The following GRM8 variants were observed in gnomAD, a reference collection of about 807,000 sequenced individuals.
GRM8 encodes the protein glutamate metabotropic receptor 8.
Under a neutral mutation model 87.2 loss-of-function variants are expected in GRM8, and 47 were observed. The ratio of observed to expected loss-of-function variants is 0.54; its 90% confidence interval spans 0.43 to 0.69. The LOEUF (loss-of-function observed/expected upper bound fraction) is 0.69. GRM8 is among the 30% of genes least tolerant of loss of function. The pLI, the probability that GRM8 is intolerant of heterozygous loss-of-function variation, is 0.00. For missense variants in GRM8, 1,019 were observed against 1,139.2 expected (o/e 0.89, Z 1.52); for synonymous variants, 396 against 404.5 (o/e 0.98, Z 0.25).
intron 7 of GRM8, among the ~76,000 whole-genome samples, chr7:126,762,737 T>C (rs1208941878): frequency 6.6e-6 from 1 of 151,938 alleles, no homozygotes; most frequent in Non-Finnish European, 1.5e-5. Flanking sequence ...CAAAGTGAAA[T>C]TGTGATTTGT....
At chr7:126,528,911 C>T (rs533886714) in intron 9 of GRM8, among the ~76,000 whole-genome samples, 4 of 152,232 alleles carry the variant, frequency 2.6e-5, no homozygotes, top group African/African-American at 9.6e-5. Flanking sequence ...TTTCTTACTC[C>T]ACTGGCACAC....
At chr7:126,948,811 C>A (rs1185696391) in intron 3 of GRM8, among the ~76,000 whole-genome samples, 5 of 152,226 alleles carry the variant, frequency 3.3e-5, no homozygotes, top group African/African-American at 1.2e-4. Flanking sequence ...CCTACTGCCA[C>A]TCATGGCTGG....
At chr7:127,236,233 G>T (rs1250110179) in intron 2 of GRM8, among the ~76,000 whole-genome samples, 3 of 152,110 alleles carry the variant, frequency 2.0e-5, no homozygotes, top group Non-Finnish European at 4.4e-5. Context: ...CATTTAAATG[G>T]AAATTTGTAG....
intron 9 of GRM8, among the ~76,000 whole-genome samples, chr7:126,516,967 T>C (rs2150771585): frequency 6.6e-6 from 1 of 152,200 alleles, no homozygotes; most frequent in East Asian, 1.9e-4. Context: ...GAAAAAAAAG[T>C]CTTATAAACA....
chr7:127,100,062 C>T (rs753286486), intron 3 of GRM8, among the ~76,000 whole-genome samples: 8 of 152,116 alleles, frequency 5.3e-5, no homozygotes, highest in Admixed American at 3.3e-4. Flanking sequence ...ACACCAGAAG[C>T]TAATAGAGGC....
intron 9 of GRM8, among the ~76,000 whole-genome samples, chr7:126,475,519 T>C (rs1169157007): frequency 6.6e-6 from 1 of 151,952 alleles, no homozygotes; most frequent in Admixed American, 6.6e-5. Flanking sequence ...ATAATTAATA[T>C]TGTTAAAATT....
At chr7:127,175,983 T>C (rs1388959999) in intron 2 of GRM8, among the ~76,000 whole-genome samples, 1 of 152,132 alleles carries the variant, frequency 6.6e-6, no homozygotes, top group Non-Finnish European at 1.5e-5. Flanking sequence ...ATAGTAACAA[T>C]GTATTGGTTG....
intron 2 of GRM8, among the ~76,000 whole-genome samples, chr7:127,129,118 C>T (rs1827536731): frequency 6.6e-6 from 1 of 152,094 alleles, no homozygotes; most frequent in Admixed American, 6.6e-5. Context: ...ATAAGTATGT[C>T]AAAATTTCAT....
In GRM8 at chr7:126,914,586, C is replaced by A. The variant is rs181813982; in HGVS notation, c.728-9903G>T. ...CTATACACTGTGTAATGCTATACAG[C>A]CATAAAAAAGAATGAAATCTTGCCC... On this transcript the variant is annotated intron_variant, in intron 3 of 10. Transcript: ENST00000339582. Among the ~76,000 whole-genome samples, 59 of 152,286 alleles carry A rather than the reference C, an allele frequency of 3.9e-4. No individual in the cohort carries two copies. The East Asian group carries it at 0.011, about 28-fold the overall frequency.
chr7:127,065,174 A>C (rs1468604711), intron 3 of GRM8, among the ~76,000 whole-genome samples: 1 of 152,234 alleles, frequency 6.6e-6, no homozygotes, highest in Admixed American at 6.5e-5. Context: ...TATACCATGG[A>C]ATATTATGCA....
chr7:127,093,914 T>G (rs995451995), intron 3 of GRM8, among the ~76,000 whole-genome samples: 1 of 152,242 alleles, frequency 6.6e-6, no homozygotes, highest in Non-Finnish European at 1.5e-5. Flanking sequence ...ACGTAACCCC[T>G]GAAATAATTT....
intron 2 of GRM8, among the ~76,000 whole-genome samples, chr7:127,117,641 C>T (rs770672138): frequency 9.2e-5 from 14 of 152,044 alleles, no homozygotes; most frequent in Non-Finnish European, 1.9e-4. Flanking sequence ...AATAGAAAAA[C>T]CAAAACGATG....
At chr7:126,800,185 C>T (rs1822496420) in intron 6 of GRM8, among the ~76,000 whole-genome samples, 1 of 152,028 alleles carries the variant, frequency 6.6e-6, no homozygotes, top group Admixed American at 6.6e-5. Flanking sequence ...TGCCAAATTA[C>T]TTTGTGGTTC....
chr7:127,168,726 G>A (rs1640540683), intron 2 of GRM8, among the ~76,000 whole-genome samples: 1 of 150,440 alleles, frequency 6.6e-6, no homozygotes, highest in South Asian at 2.1e-4. Flanking sequence ...GATGAAGCTG[G>A]AGACCATCAT....
chr7:126,956,117 A>G (rs1808658293), intron 3 of GRM8, among the ~76,000 whole-genome samples: 1 of 152,192 alleles, frequency 6.6e-6, no homozygotes, highest in African/African-American at 2.4e-5. Flanking sequence ...TATAAACAGC[A>G]CTTTAAAGCT....
At chr7:126,839,059 T>A (rs1796042073) in intron 6 of GRM8, among the ~76,000 whole-genome samples, 1 of 152,170 alleles carries the variant, frequency 6.6e-6, no homozygotes, top group Admixed American at 6.5e-5. Context: ...AAAACTCTTA[T>A]TATCTCCACA....
At chr7:126,649,274 C>T (rs1283584617) in intron 7 of GRM8, among the ~76,000 whole-genome samples, 1 of 152,130 alleles carries the variant, frequency 6.6e-6, no homozygotes, top group Non-Finnish European at 1.5e-5. Flanking sequence ...AAGGCAGACC[C>T]ACCCTTAATA....
At chr7:127,249,318 G>A (rs1052567998) in intron 1 of GRM8, among the ~76,000 whole-genome samples, 7 of 152,206 alleles carry the variant, frequency 4.6e-5, no homozygotes, top group Admixed American at 2.6e-4. Context: ...CCCAGGGAGT[G>A]AGTGGATTCA....
rs1808010799 is a variant in GRM8, at chr7:126,685,045, G to A, written c.1358-75547C>T. On this transcript the variant is annotated intron_variant, in intron 7 of 10. Coordinates refer to ENST00000339582, the MANE Select transcript of GRM8 (RefSeq NM_000845.3). This position sits in a 1 kb window ranked among gnomAD's most constrained non-coding sequence, Gnocchi z 4.2. Reference sequence around the variant, plus strand: ...CAGCAGTGGTGGCCATGGGACCCCTGTGCCCTGCGTCCCCAAGGAAGCTGA... The same window carrying A: ...CAGCAGTGGTGGCCATGGGACCCCTATGCCCTGCGTCCCCAAGGAAGCTGA... 6.6e-6 allele frequency among the ~76,000 whole-genome samples: 1 copy of A among 152,154 alleles called. No individual in the cohort carries two copies. Among genetic ancestry groups the A allele is most frequent in the Non-Finnish European group, 1.5e-5 (1 of 68,022 alleles).
Sources: gnomAD v4.1 joint callset for allele counts (sites outside exome capture counted in the v4.1 genomes callset) on GRCh38, gnomAD v4.1.1 for gene constraint, Gnocchi (gnomAD v3.1) non-coding constraint, MANE v1.5 for transcripts, NCBI Gene and HGNC (gene_info 2026-07-23, HGNC 2026-07-21) for gene names.